CRB1: variants seen among roughly 807,000 people sequenced by gnomAD.
CRB1 encodes the protein crumbs cell polarity complex component 1.
A neutral mutation model predicts 120.0 loss-of-function variants in CRB1; 83 were observed. That is an observed-to-expected ratio of 0.69 (90% confidence interval 0.58 to 0.83). The LOEUF (loss-of-function observed/expected upper bound fraction) is 0.83. CRB1 is among the 40% of genes least tolerant of loss of function. The pLI, the probability that CRB1 is intolerant of heterozygous loss-of-function variation, is 0.00. For missense variants in CRB1, 1,699 were observed against 1,687.6 expected (o/e 1.01, Z -0.12); for synonymous variants, 625 against 612.5 (o/e 1.02, Z -0.30).
intron 10 of CRB1, chr1:197,439,012 A>G (rs996663220): frequency 6.9e-6 from 2 of 288,948 alleles, no homozygotes; most frequent in African/African-American, 4.4e-5. Flanking sequence ...CTGTCGAGGT[A>G]AAATAAATTA....
chr1:197,290,714 C>A (rs1051236114), intron 1 of CRB1, among the ~76,000 whole-genome samples: 1 of 151,648 alleles, frequency 6.6e-6, no homozygotes, highest in African/African-American at 2.4e-5. Context: ...GTATTTGATT[C>A]ATTATTTCTG....
the CRB1 span, among the ~76,000 whole-genome samples, chr1:197,242,886 C>A: frequency 6.6e-6 from 1 of 152,036 alleles, no homozygotes; most frequent in East Asian, 1.9e-4. Context: ...TCAACTTCTT[C>A]CTTTTTTAGT....
chr1:197,284,501 G>T (rs1396584005), intron 1 of CRB1, among the ~76,000 whole-genome samples: 1 of 151,896 alleles, frequency 6.6e-6, no homozygotes, highest in Non-Finnish European at 1.5e-5. Flanking sequence ...CATTTCATTA[G>T]TTCCCAATTA....
intron 1 of CRB1, among the ~76,000 whole-genome samples, chr1:197,281,120 A>C (rs1280547560): frequency 2.0e-5 from 3 of 151,870 alleles, no homozygotes; most frequent in Non-Finnish European, 4.4e-5. Flanking sequence ...TAAGTTAACA[A>C]AGTGAAAGTT....
At chr1:197,382,694 T>C (rs1162482031) in intron 5 of CRB1, among the ~76,000 whole-genome samples, 1 of 152,160 alleles carries the variant, frequency 6.6e-6, no homozygotes, top group African/African-American at 2.4e-5. Flanking sequence ...CAGACACATA[T>C]AGGTATCCAG....
At chr1:197,405,990 G>A (rs1402174975) in intron 5 of CRB1, among the ~76,000 whole-genome samples, 1 of 151,454 alleles carries the variant, frequency 6.6e-6, no homozygotes, top group South Asian at 2.1e-4. Context: ...CGCCCCGTCC[G>A]GGAGGTGAGG....
At chr1:197,259,940 A>C in the CRB1 span, among the ~76,000 whole-genome samples, 1 of 151,748 alleles carries the variant, frequency 6.6e-6, no homozygotes, top group Non-Finnish European at 1.5e-5. Context: ...GCCTGAGCCC[A>C]GAAGTTAAAG....
intron 2 of CRB1, among the ~76,000 whole-genome samples, chr1:197,340,428 TAG>T (rs1208003722): frequency 1.3e-5 from 2 of 152,026 alleles, no homozygotes; most frequent in Non-Finnish European, 2.9e-5. Flanking sequence ...GACAGGGAGA[TAG>T]AGAGGGGATG....
intron 6 of CRB1, among the ~76,000 whole-genome samples, chr1:197,426,341 C>A (rs1664581703): frequency 6.6e-6 from 1 of 151,926 alleles, no homozygotes. Context: ...AGAGTTCCTC[C>A]CTGATTGTTC....
At chr1:197,259,460 C>T in the CRB1 span, among the ~76,000 whole-genome samples, 2 of 152,116 alleles carry the variant, frequency 1.3e-5, no homozygotes, top group Non-Finnish European at 2.9e-5. Context: ...TTCTCACTCA[C>T]AAGTGGGAGT....
the CRB1 span, among the ~76,000 whole-genome samples, chr1:197,239,062 A>G: frequency 5.9e-5 from 9 of 152,118 alleles, no homozygotes; most frequent in African/African-American, 1.7e-4. Flanking sequence ...TGCATATTCT[A>G]TCAGCTCCAG....
chr1:197,450,689 C>A (rs1424270825), intron 11 of CRB1, among the ~76,000 whole-genome samples: 1 of 149,224 alleles, frequency 6.7e-6, no homozygotes, highest in Admixed American at 6.8e-5. Flanking sequence ...GCCTGTAATC[C>A]CAGCACTTTG....
At chr1:197,322,843 T>C (rs1043764208) in intron 1 of CRB1, among the ~76,000 whole-genome samples, 6 of 152,210 alleles carry the variant, frequency 3.9e-5, no homozygotes, top group African/African-American at 1.4e-4. Flanking sequence ...TTTTTATGAC[T>C]CTGTCTTCCT....
intron 1 of CRB1, among the ~76,000 whole-genome samples, chr1:197,292,609 A>G (rs1017866246): frequency 6.6e-6 from 1 of 152,140 alleles, no homozygotes; most frequent in Non-Finnish European, 1.5e-5. Flanking sequence ...ACAACAAAAA[A>G]AAGAGAATTT....
chr1:197,414,368 T>A (rs1663864611), intron 5 of CRB1, among the ~76,000 whole-genome samples: 1 of 152,090 alleles, frequency 6.6e-6, no homozygotes, highest in South Asian at 2.1e-4. Context: ...ATGACAAAAA[T>A]CATCTTCATA....
At chr1:197,206,491 A>C in the CRB1 span, among the ~76,000 whole-genome samples, 1 of 152,130 alleles carries the variant, frequency 6.6e-6, no homozygotes, top group Non-Finnish European at 1.5e-5. Context: ...TTAAATTTCT[A>C]TCTTGATTTC....
intron 5 of CRB1, among the ~76,000 whole-genome samples, chr1:197,378,334 A>G (rs1661756936): frequency 6.6e-6 from 1 of 152,228 alleles, no homozygotes. Context: ...TAGAGTTTAG[A>G]TCAAGATGGG....
At chr1:197,351,382 A>AGG (rs1553252117) in intron 4 of CRB1, among the ~76,000 whole-genome samples, 3 of 138,906 alleles carry the variant, frequency 2.2e-5, no homozygotes, top group Non-Finnish European at 1.5e-5. Flanking sequence ...AAAAAAAAAA[A>AGG]AAAAGGAGAA....
intron 1 of CRB1, among the ~76,000 whole-genome samples, chr1:197,308,230 C>T (rs951366090): frequency 1.3e-5 from 2 of 152,040 alleles, no homozygotes; most frequent in African/African-American, 4.8e-5. Flanking sequence ...AGGAGCTAAA[C>T]GTTAAGCACA....
Sources: allele counts gnomAD v4.1 joint callset (sites outside exome capture counted in the v4.1 genomes callset), GRCh38; gene constraint gnomAD v4.1.1; transcripts MANE v1.5; gene names NCBI Gene and HGNC (gene_info 2026-07-23, HGNC 2026-07-21).